The following GIPR variants were observed in gnomAD, a reference collection of about 807,000 sequenced individuals.
The protein encoded by GIPR is gastric inhibitory polypeptide receptor, also known as GIP-R.
GIPR carries 74 observed loss-of-function variants against 62.2 expected under a neutral mutation model. That is an observed-to-expected ratio of 1.19 (90% CI 0.99 to 1.44). GIPR has a LOEUF of 1.44. GIPR is among the 40% of genes most tolerant of loss of function. GIPR has a pLI of 0.00. For missense variants in GIPR, 664 were observed against 611.8 expected (o/e 1.09, Z -0.90); for synonymous variants, 256 against 262.2 (o/e 0.98, Z 0.23).
intron 2 of GIPR, 152 bp downstream of exon 2, chr19:45,669,744 G>A (rs1410256461): frequency 2.0e-5 from 21 of 1,038,296 alleles, no homozygotes; most frequent in Admixed American, 1.3e-4. Context: ...CCAGGAGTTC[G>A]AGACCAGCCT....
chr19:45,679,655 C>A (rs1435171714), intron 12 of GIPR, among the ~76,000 whole-genome samples: 7 of 151,918 alleles, frequency 4.6e-5, no homozygotes, highest in African/African-American at 1.7e-4. Context: ...CAGGCTGGAT[C>A]CAGTGCAGGG....
Position 45,669,463 on chromosome 19 carries a change from C to A in GIPR, c.-44-14C>A. 6.5e-7 allele frequency: 1 copy of A among 1,542,486 alleles called. No homozygotes were observed. The highest frequency in any genetic ancestry group is 1.2e-5 in the South Asian group (1 of 84,054). ...GGAGGGCAGAGGTGCTGACCTTGCC[C>A]TGGGACCCTCCAGGCCTGATCGCCC... On this transcript the variant is annotated splice_polypyrimidine_tract_variant and intron_variant, in intron 1 of 13. Transcript: ENST00000590918.
In GIPR at chr19:45,677,277, C is replaced by T. The variant is rs753891513; in HGVS notation, c.794-46C>T. The stretch of plus-strand genomic sequence containing the variant: ...GGGCCTGGCGGGGCCCGTGAGCGCG[C>T]TGACAGCTGCGGCGGGGTGGGGGGG... On this transcript the variant is annotated intron_variant, in intron 8 of 13. Coordinates refer to ENST00000590918, the MANE Select transcript of GIPR (RefSeq NM_000164.4). 7.2e-5 allele frequency: 99 copies of T among 1,383,268 alleles called. 1 individual carries two copies. Among genetic ancestry groups the T allele is most frequent in the Middle Eastern group, 5.0e-4 (2 of 4,022 alleles). 85.7% of individuals were successfully genotyped at this position (1,383,268 alleles called of 1,614,324 possible).
At position 45,677,125 on chromosome 19, in the gene GIPR, T is replaced by G. The variant is rs572373461; in HGVS notation, c.793+17T>G. The G allele has an allele frequency of 2.5e-6, 4 of 1,611,488 alleles. No individual in the cohort carries two copies. In the African/African-American group the frequency reaches 5.3e-5, roughly 22 times the overall value. ...TCGGCTGGGGTGAGCTCCGATCCCG[T>G]CCCCCGCCCAACCCAGCGCGCCTCT... On this transcript the variant is annotated intron_variant, in intron 8 of 13. Coordinates refer to ENST00000590918, the MANE Select transcript of GIPR (RefSeq NM_000164.4).
intron 5 of GIPR, 94 bp downstream of exon 5, chr19:45,673,048 A>G (rs1401261946): frequency 1.3e-6 from 1 of 774,750 alleles, no homozygotes; most frequent in African/African-American, 1.7e-5. Flanking sequence ...GACTGTTCAG[A>G]CCTCTGGGTT....
At chr19:45,669,204 C>G (rs183302899) in intron 1 of GIPR, among the ~76,000 whole-genome samples, 12 of 152,298 alleles carry the variant, frequency 7.9e-5, no homozygotes, top group Middle Eastern at 3.4e-3. Context: ...AACACCCCCC[C>G]CTTCCACCTT....
At position 45,674,721 on chromosome 19, in the gene GIPR, GTTCACGTCT is replaced by G. The variant is rs753757844; in HGVS notation, c.533_541del (p.Thr178_Phe180del). 1.7e-5 allele frequency: 28 copies of G among 1,613,922 alleles called. No individual in the cohort carries two copies. The highest frequency in any genetic ancestry group is 2.4e-5 in the Non-Finnish European group (28 of 1,180,010). On this transcript the variant is annotated inframe_deletion, in exon 7 of 14. Coordinates refer to ENST00000590918, the MANE Select transcript of GIPR (RefSeq NM_000164.4). ...CTAGAAACTATATCCACATCAACCT[GTTCACGTCT>G]TTCATGCTGCGAGCTGCGGCCATTC...
chr19:45,678,058 G>A (rs1178909435), intron 11 of GIPR, 30 bp from the exon 12 acceptor site: 7 of 1,611,706 alleles, frequency 4.3e-6, no homozygotes, highest in Admixed American at 1.7e-5. Flanking sequence ...CCAGGGCTGC[G>A]GGATCACTGC....
intron 2 of GIPR, among the ~76,000 whole-genome samples, 194 bp downstream of exon 2, chr19:45,669,786 A>C (rs1209870005): frequency 6.6e-6 from 1 of 151,792 alleles, no homozygotes; most frequent in East Asian, 2.0e-4. Flanking sequence ...TCTCTACTAA[A>C]AAAAATACAA....
Position 45,674,790 on chromosome 19 carries a change from C to CTACCT in GIPR, c.599_603dup (p.Gly202ThrfsTer23). On this transcript the variant is annotated frameshift_variant, in exon 7 of 14. Coordinates refer to ENST00000590918, the MANE Select transcript of GIPR (RefSeq NM_000164.4). LOFTEE classifies it high-confidence loss of function. ...ACCGTCTGCTACCTCGACCTGGCCC[C>CTACCT]TACCTTGGGGACCAGGCCCTTGCGC... 6.2e-7 allele frequency: 1 copy of CTACCT among 1,614,078 alleles called. No homozygotes were observed. Among genetic ancestry groups the CTACCT allele is most frequent in the Middle Eastern group, 1.6e-4 (1 of 6,062 alleles).
intron 5 of GIPR, 69 bp downstream of exon 5, chr19:45,673,023 G>T: frequency 2.2e-6 from 2 of 918,588 alleles, no homozygotes; most frequent in South Asian, 1.3e-5. Flanking sequence ...TTCAGGCAGG[G>T]CCTGAAACCC....
At chr19:45,680,936 A>G (rs1967194565) in intron 12 of GIPR, among the ~76,000 whole-genome samples, 1 of 152,116 alleles carries the variant, frequency 6.6e-6, no homozygotes, top group Admixed American at 6.6e-5. Context: ...TTCCAGATGA[A>G]GAAACTGAGG....
In GIPR at chr19:45,674,161, A is replaced by G; in HGVS notation, c.472A>G (p.Ile158Val). The change falls in exon 6 of 14, where the codon ATC becomes GTC. Residue 158 changes from isoleucine to valine, a missense_variant. Transcript: ENST00000590918. ...CGCCACACTGCTGCTAGCCCTGCTC[A>G]TCTTGAGTTTGTTCAGGTGGGACCT... is the stretch of plus-strand genomic sequence containing the variant. ...SLATLLLALL[I>V]LSLFRRLHCT... 1.9e-6 allele frequency: 3 copies of G among 1,612,236 alleles called. No homozygotes were observed. Among genetic ancestry groups the G allele is most frequent in the Non-Finnish European group, 2.5e-6 (3 of 1,178,348 alleles).
chr19:45,681,522 A>G, intron 12 of GIPR, 82 bp from the exon 13 acceptor site: 1 of 1,206,510 alleles, frequency 8.3e-7, no homozygotes, highest in East Asian at 2.3e-5. Flanking sequence ...AAACAAACAA[A>G]CAAAAAACGG....
Position 45,668,529 on chromosome 19 carries a change from CTTCT to C in GIPR, c.-45+234_-45+237del, listed in dbSNP as rs534727533. 6.6e-5 allele frequency among the ~76,000 whole-genome samples: 10 copies of C among 152,332 alleles called. No individual in the cohort carries two copies. In the South Asian group the frequency reaches 2.1e-3, roughly 32 times the overall value. On this transcript the variant is annotated intron_variant, in intron 1 of 13. Transcript: ENST00000590918. Reference sequence around the variant, plus strand: ...TCTGTCTCCCTCCACGTCTCTGCCTCTTCTTTGTCTCCTAGCCCACATCTGCGTC... The same window carrying C: ...TCTGTCTCCCTCCACGTCTCTGCCTCTTGTCTCCTAGCCCACATCTGCGTC...
chr19:45,672,996 G>A (rs1464210899), intron 5 of GIPR, 42 bp downstream of exon 5: 1 of 1,154,680 alleles, frequency 8.7e-7, no homozygotes, highest in Non-Finnish European at 1.3e-6. Context: ...TCCAGGGAGA[G>A]ATGGAAAGGC....
intron 2 of GIPR, 22 bp from the exon 3 acceptor site, chr19:45,670,613 C>T: frequency 1.3e-6 from 2 of 1,569,086 alleles, no homozygotes; most frequent in East Asian, 2.2e-5. Flanking sequence ...CTGGGGGGGT[C>T]CTCCCTTCTT....
chr19:45,676,679 C>A (rs1453625531), intron 7 of GIPR, among the ~76,000 whole-genome samples: 1 of 152,066 alleles, frequency 6.6e-6, no homozygotes, highest in Middle Eastern at 3.2e-3. Context: ...GGTGATCCGC[C>A]CACCTCGGCC....
In GIPR at chr19:45,674,182, G is replaced by T. The variant is rs1424496220; in HGVS notation, c.488+5G>T. On this transcript the variant is annotated splice_donor_5th_base_variant and intron_variant, in intron 6 of 13. Coordinates refer to ENST00000590918, the MANE Select transcript of GIPR (RefSeq NM_000164.4). ...GCTCATCTTGAGTTTGTTCAGGTGG[G>T]ACCTTAACCCTGAGTGGTGGCGGCA... is the stretch of plus-strand genomic sequence containing the variant. 6.3e-7 allele frequency: 1 copy of T among 1,580,890 alleles called. No homozygotes were observed. The highest frequency in any genetic ancestry group is 1.1e-5 in the South Asian group (1 of 90,420).
Sources: allele counts gnomAD v4.1 joint callset (sites outside exome capture counted in the v4.1 genomes callset), GRCh38; gene constraint gnomAD v4.1.1; transcripts MANE v1.5; gene names NCBI Gene and HGNC (gene_info 2026-07-23, HGNC 2026-07-21).